The following GEMIN5 variants were observed in gnomAD, a reference collection of about 807,000 sequenced individuals.
GEMIN5 encodes the protein gem nuclear organelle associated protein 5.
In GEMIN5, 124 loss-of-function variants were observed where a neutral mutation model predicts 176.9. That is an observed-to-expected ratio of 0.70 (90% CI 0.61 to 0.81). The LOEUF is 0.81. GEMIN5 is among the 40% of genes least tolerant of loss of function. The pLI is 0.00. For missense variants in GEMIN5, 1,843 were observed against 1,814.6 expected (o/e 1.02, Z -0.28); for synonymous variants, 673 against 665.2 (o/e 1.01, Z -0.18).
intron 7 of GEMIN5, among the ~76,000 whole-genome samples, chr5:154,926,425 A>G (rs1261704885): frequency 1.3e-5 from 2 of 152,184 alleles, no homozygotes; most frequent in Admixed American, 1.3e-4. Flanking sequence ...GCCTCAGCAC[A>G]GTGGAAAAAT....
intron 3 of GEMIN5, among the ~76,000 whole-genome samples, chr5:154,935,021 T>C (rs1017910987): frequency 5.3e-5 from 8 of 152,244 alleles, no homozygotes; most frequent in African/African-American, 1.9e-4. Flanking sequence ...TCTTGTCATC[T>C]GAATCCAATC....
intron 17 of GEMIN5, 33 bp downstream of exon 17, chr5:154,905,330 C>T (rs1242331064): frequency 9.3e-7 from 1 of 1,074,466 alleles, no homozygotes; most frequent in Non-Finnish European, 1.4e-6. Context: ...GCTGCTTTAA[C>T]AAAATACTGT....
chr5:154,906,775 A>AT (rs1763577123), intron 16 of GEMIN5, among the ~76,000 whole-genome samples: 1 of 152,218 alleles, frequency 6.6e-6, no homozygotes, highest in Middle Eastern at 3.2e-3. Context: ...TGTGTCTAAC[A>AT]GCTATCCCTT....
chr5:154,892,978 T>G (rs1397469851), intron 24 of GEMIN5, among the ~76,000 whole-genome samples: 2 of 151,910 alleles, frequency 1.3e-5, no homozygotes, highest in African/African-American at 4.8e-5. Flanking sequence ...GTGCCTGTAG[T>G]CCCAGCTACT....
At chr5:154,919,816 C>T in intron 11 of GEMIN5, 151 bp downstream of exon 11, 1 of 611,686 alleles carries the variant, frequency 1.6e-6, no homozygotes, top group Non-Finnish European at 2.7e-6. Flanking sequence ...ATATAACTCA[C>T]AAATTCATGC....
intron 9 of GEMIN5, among the ~76,000 whole-genome samples, chr5:154,924,120 G>T (rs964588671): frequency 6.6e-6 from 1 of 152,038 alleles, no homozygotes; most frequent in Non-Finnish European, 1.5e-5. Context: ...TTAAGACTCG[G>T]AACTCTGGTG....
chr5:154,901,417 A>G lies in GEMIN5; in HGVS notation c.2936T>C (p.Val979Ala). ...AKQLCFQDQYVKAASHLLSIH... is the reference protein window; with the variant it reads ...AKQLCFQDQYAKAASHLLSIH... ...GGAAAGTAGGTGAGAAGCAGCCTTG[A>G]CATACTGATCCTGAAAACACAGCTG... Residue 979 changes from valine to alanine, a missense_variant, in exon 21 of 28, where the codon GTC becomes GCC. Physicochemically the swap from Val to Ala is moderately conservative, Grantham distance 64. Transcript: ENST00000285873. 6.2e-7 allele frequency: 1 copy of G among 1,613,994 alleles called. No individual in the cohort carries two copies. Among genetic ancestry groups the G allele is most frequent in the Non-Finnish European group, 8.5e-7 (1 of 1,179,848 alleles).
In GEMIN5 at chr5:154,888,209, TTCACATACAGAAGG is replaced by T; in HGVS notation, c.4514_4527del (p.Thr1505AsnfsTer6). On this transcript the variant is annotated frameshift_variant and stop_lost, in exon 28 of 28. Coordinates refer to ENST00000285873, the MANE Select transcript of GEMIN5 (RefSeq NM_015465.5). LOFTEE classifies it high-confidence loss of function. ...GCAGTTTCTTCAAGGTGTGTGAAAA[TTCACATACAGAAGG>T]TCTGGCAGTGTCTTCTGTAAGTTTT... 1 of 1,614,026 alleles carries T rather than the reference TTCACATACAGAAGG, an allele frequency of 6.2e-7. No homozygotes were observed.
Position 154,896,237 on chromosome 5 carries a change from C to T in GEMIN5, c.3452G>A (p.Gly1151Asp), listed in dbSNP as rs1373084047. 4 of 1,613,768 alleles carry T rather than the reference C, an allele frequency of 2.5e-6. No individual in the cohort carries two copies. The South Asian group carries it at 4.4e-5, about 18-fold the overall frequency. ...CCTCTCCACGAAAGGCCCTTCGGTGCCCGTGTTCCAAGTGTGGTAAGAGGA... is the reference window on the plus strand; with the variant it reads ...CCTCTCCACGAAAGGCCCTTCGGTGTCCGTGTTCCAAGTGTGGTAAGAGGA... ...SSSSYHTWNT[G>D]TEGPFVERVT... is the part of the protein sequence containing the mutation. The change falls in exon 24 of 28, where the codon GGC (glycine) becomes GAC (aspartate). Residue 1151 changes from glycine to aspartate, a missense_variant. By Grantham distance (94) the Gly-to-Asp change is moderately conservative. Transcript: ENST00000285873.
rs948670417 is a variant in GEMIN5 at position 154,887,515 on chromosome 5, T to C, written c.*695A>G. ...AAACAGTAATTTATTCCTGAGCTAT[T>C]TGACTGCCATCAATCCATTTGTTAT... On this transcript the variant is annotated 3_prime_UTR_variant, in exon 28 of 28. Transcript: ENST00000285873. The C allele has an allele frequency of 1.3e-5, 2 of 152,230 alleles. No homozygotes were observed. The highest frequency in any genetic ancestry group is 4.8e-5 in the African/African-American group (2 of 41,466). The allele number at this position is 152,230 out of a possible 1,614,324, so 9.4% of individuals were successfully genotyped here.
At position 154,938,194 on chromosome 5, in the gene GEMIN5, T is replaced by G. The variant is rs368904483; in HGVS notation, c.-61A>C. 8.2e-5 allele frequency: 104 copies of G among 1,263,244 alleles called. No homozygotes were observed. In the African/African-American group the frequency reaches 1.4e-3, roughly 18 times the overall value. The allele number at this position is 1,263,244 out of a possible 1,614,324, so 78.3% of individuals were successfully genotyped here. A position where few individuals can be genotyped will look rare whatever the true frequency, so the allele number is the denominator to read the frequency against. On this transcript the variant is annotated 5_prime_UTR_variant, in exon 1 of 28. Coordinates refer to ENST00000285873, the MANE Select transcript of GEMIN5 (RefSeq NM_015465.5). ...AGCCGACCGCTCGTAGCCTCACGCC[T>G]TAGGTAGGGAGCGGGGCGGGGTGAA...
chr5:154,929,615 C>T (rs566926398), intron 5 of GEMIN5, among the ~76,000 whole-genome samples: 55 of 152,350 alleles, frequency 3.6e-4, no homozygotes, highest in African/African-American at 1.3e-3. Flanking sequence ...TTCTGCTGCA[C>T]AACCACAATT....
chr5:154,911,214 T>C (rs948220903), intron 15 of GEMIN5, among the ~76,000 whole-genome samples: 2 of 152,104 alleles, frequency 1.3e-5, no homozygotes, highest in African/African-American at 4.8e-5. Context: ...GAGAATGTCA[T>C]TTAGAAACCA....
intron 8 of GEMIN5, 91 bp downstream of exon 8, chr5:154,925,771 T>C: frequency 4.2e-6 from 3 of 713,980 alleles, no homozygotes; most frequent in Non-Finnish European, 4.9e-6. Context: ...AACTTTTGAT[T>C]CTCAACAGAG....
chr5:154,890,037 G>C (rs981065131), intron 26 of GEMIN5, among the ~76,000 whole-genome samples: 1 of 152,218 alleles, frequency 6.6e-6, no homozygotes, highest in Non-Finnish European at 1.5e-5. Context: ...TGGAGGAAGT[G>C]CTGCTGTACT....
rs1259446245 is a variant in GEMIN5 at position 154,892,480 on chromosome 5, C to A, written c.3667G>T (p.Ala1223Ser). 2 of 1,614,216 alleles carry A rather than the reference C, an allele frequency of 1.2e-6. No individual in the cohort carries two copies. The highest frequency in any genetic ancestry group is 1.7e-6 in the Non-Finnish European group (2 of 1,180,030). The change falls in exon 25 of 28, where the codon GCT becomes TCT. Residue 1223 changes from alanine to serine, a missense_variant. Physicochemically the swap from Ala to Ser is moderately conservative, Grantham distance 99. Transcript: ENST00000285873. ...ACCGCCCGAAGGAGCGCCTGCACAG[C>A]CTCGTCCCAGGAGGCCATCTGTTGG... ...LSQQMASWDE[A>S]VQALLRAVVR...
chr5:154,894,692 G>A (rs1232593940), intron 24 of GEMIN5, among the ~76,000 whole-genome samples: 5 of 152,048 alleles, frequency 3.3e-5, no homozygotes, highest in African/African-American at 1.2e-4. Flanking sequence ...AAATCACGAG[G>A]TCAGGAGTTC....
At chr5:154,926,842 G>A (rs993007949) in intron 7 of GEMIN5, among the ~76,000 whole-genome samples, 15 of 152,248 alleles carry the variant, frequency 9.9e-5, no homozygotes, top group African/African-American at 3.6e-4. Flanking sequence ...TCAGGAGATC[G>A]AGGCCATCCT....
intron 15 of GEMIN5, 86 bp downstream of exon 15, chr5:154,911,641 C>G (rs1272852037): frequency 1.7e-6 from 2 of 1,201,432 alleles, no homozygotes; most frequent in Non-Finnish European, 2.4e-6. Context: ...ATGCCCTACA[C>G]GAATGTCTTC....
Sources: gnomAD v4.1 joint callset for allele counts (sites outside exome capture counted in the v4.1 genomes callset) on GRCh38, gnomAD v4.1.1 for gene constraint, MANE v1.5 for transcripts, NCBI Gene and HGNC (gene_info 2026-07-23, HGNC 2026-07-21) for gene names.